COPS3: variants seen among roughly 807,000 people sequenced by gnomAD.
The protein encoded by COPS3 is COP9 signalosome subunit 3.
In COPS3, 10 loss-of-function variants were observed where a neutral mutation model predicts 58.2. The ratio of observed to expected loss-of-function variants is 0.17; its 90% CI spans 0.11 to 0.29. COPS3 has a LOEUF of 0.29. COPS3 is among the 10% of genes least tolerant of loss of function. The probability of loss-of-function intolerance (pLI) is 1.00; values close to 1 mark genes in which losing one functional copy is unlikely to be tolerated. For synonymous variants in COPS3, 187 were observed against 181.7 expected (o/e 1.03, Z -0.24); for missense variants, 333 against 510.1 (o/e 0.65, Z 3.34).
At position 17,276,018 on chromosome 17, in the gene COPS3, A is replaced by G; in HGVS notation, c.185+17T>C. Reference sequence around the variant, plus strand: ...CATTTTAACAAGCACAGAACTATAAAAGAAGATGCTCCTTACAAAACAGCA... The same window carrying G: ...CATTTTAACAAGCACAGAACTATAAGAGAAGATGCTCCTTACAAAACAGCA... On this transcript the variant is annotated intron_variant, in intron 2 of 11. Coordinates refer to ENST00000268717, the MANE Select transcript of COPS3 (RefSeq NM_003653.4). 6.2e-7 allele frequency: 1 copy of G among 1,610,754 alleles called. No individual in the cohort carries two copies. Among genetic ancestry groups the G allele is most frequent in the South Asian group, 1.1e-5 (1 of 90,734 alleles).
intron 4 of COPS3, among the ~76,000 whole-genome samples, chr17:17,269,928 G>A (rs928533377): frequency 2.0e-5 from 3 of 152,134 alleles, no homozygotes; most frequent in South Asian, 2.1e-4. Flanking sequence ...AGGCCAAGGC[G>A]GGAGGATTGC....
rs1555617252 is a variant in COPS3, at chr17:17,254,829, A to AAG, written c.1023+29_1023+30insCT. 300 of 1,414,384 alleles carry AAG rather than the reference A, an allele frequency of 2.1e-4. No homozygotes were observed. The African/African-American group carries it at 3.9e-3, about 18-fold the overall frequency. The allele number at this position is 1,414,384 out of a possible 1,614,324, so 87.6% of individuals were successfully genotyped here. A position where few individuals can be genotyped will look rare whatever the true frequency, so the allele number is the denominator to read the frequency against. On this transcript the variant is annotated intron_variant, in intron 9 of 11. Coordinates refer to ENST00000268717, the MANE Select transcript of COPS3 (RefSeq NM_003653.4). ...ATCTCAAAAAGAAAAAAAAAAAAAA[A>AAG]AAAGAAAAAGAAAAAGAAAATCCAC...
At position 17,254,963 on chromosome 17, in the gene COPS3, A is replaced by G. The variant is rs769107426; in HGVS notation, c.937-18T>C. On this transcript the variant is annotated intron_variant, in intron 8 of 11. Coordinates refer to ENST00000268717, the MANE Select transcript of COPS3 (RefSeq NM_003653.4). ...AAAAAGGTCTGAAAGTCAGAAGCAG[A>G]ATTAGTCACAGGTAGGAACAACGAA... The G allele has an allele frequency of 6.4e-7, 1 of 1,562,570 alleles. No homozygotes were observed. Among genetic ancestry groups the G allele is most frequent in the Admixed American group, 1.7e-5 (1 of 59,230 alleles).
At chr17:17,258,624 TAATG>T (rs987617976) in intron 8 of COPS3, among the ~76,000 whole-genome samples, 4 of 152,226 alleles carry the variant, frequency 2.6e-5, no homozygotes, top group Admixed American at 6.5e-5. Flanking sequence ...AGCTGTTTTT[TAATG>T]GCTACCTCTT....
Position 17,246,752 on chromosome 17 carries a change from A to G in COPS3, c.*346T>C, listed in dbSNP as rs2047734803. 1 of 208,764 alleles carries G rather than the reference A, an allele frequency of 4.8e-6. No individual in the cohort carries two copies. The highest frequency in any genetic ancestry group is 9.5e-6 in the Non-Finnish European group (1 of 104,958). 12.9% of individuals were successfully genotyped at this position (208,764 alleles called of 1,614,324 possible). On this transcript the variant is annotated 3_prime_UTR_variant, in exon 12 of 12. Transcript: ENST00000268717. ...TTCCAAAAATTCCTAAAATCCAGCT[A>G]TTTCTGTTCACAATGAATGTGCTTA...
At chr17:17,262,156 A>T in intron 6 of COPS3, 50 bp from the exon 7 acceptor site, 3 of 1,511,308 alleles carry the variant, frequency 2.0e-6, no homozygotes, top group Non-Finnish European at 2.7e-6. Context: ...CACAGTAGCA[A>T]ACAACAATCA....
At position 17,247,153 on chromosome 17, in the gene COPS3, TGTAAAG is replaced by T. The variant is rs751123367; in HGVS notation, c.1219-8_1219-3del. Reference sequence around the variant, plus strand: ...ATCATCTTCTTGTGAGCCCATACTCTGTAAAGGTAAAGTGAAGTTATGTATTTATGT... The same window carrying T: ...ATCATCTTCTTGTGAGCCCATACTCTGTAAAGTGAAGTTATGTATTTATGT... On this transcript the variant is annotated splice_polypyrimidine_tract_variant and splice_region_variant and intron_variant, in intron 11 of 11. Coordinates refer to ENST00000268717, the MANE Select transcript of COPS3 (RefSeq NM_003653.4). 10 of 1,613,542 alleles carry T rather than the reference TGTAAAG, an allele frequency of 6.2e-6. No individual in the cohort carries two copies. The highest frequency in any genetic ancestry group is 5.0e-5 in the Admixed American group (3 of 59,986).
chr17:17,264,939 G>A lies in COPS3; in HGVS notation c.484C>T (p.Leu162Phe), dbSNP rs2048188168. The change falls in exon 6 of 12, where the codon CTT becomes TTT. Residue 162 changes from leucine to phenylalanine, a missense_variant. Transcript: ENST00000268717. ...CAGATATCCATCATATCCACGTCAA[G>A]ATATGGAAGGGCAGGCTTAAAGCAT... ...AKCFKPALPY[L>F]DVDMMDICKE... is the part of the protein sequence containing the mutation. 1 of 1,613,208 alleles carries A rather than the reference G, an allele frequency of 6.2e-7. No homozygotes were observed. The highest frequency in any genetic ancestry group is 1.3e-5 in the African/African-American group (1 of 74,890).
intron 4 of COPS3, among the ~76,000 whole-genome samples, chr17:17,268,810 C>T (rs2048282398): frequency 1.4e-5 from 2 of 141,034 alleles, no homozygotes; most frequent in African/African-American, 5.3e-5. Flanking sequence ...CAGAGCAAGA[C>T]CCCATCTCAA....
chr17:17,247,454 T>G, intron 11 of COPS3, 26 bp downstream of exon 11: 2 of 1,608,166 alleles, frequency 1.2e-6, no homozygotes, highest in Non-Finnish European at 1.7e-6. Flanking sequence ...CCAGCCTACT[T>G]CTTGTAATAA....
chr17:17,261,911 T>C, intron 7 of COPS3, 55 bp downstream of exon 7: 4 of 1,473,502 alleles, frequency 2.7e-6, no homozygotes, highest in Non-Finnish European at 3.7e-6. Context: ...CATTGCAATT[T>C]CTTTATATAC....
At chr17:17,260,713 G>A (rs1229467129) in intron 7 of COPS3, 5 of 267,116 alleles carry the variant, frequency 1.9e-5, no homozygotes, top group Non-Finnish European at 2.9e-5. Context: ...TGAGGCAAGA[G>A]AATCGCTTGA....
At chr17:17,249,965 C>T (rs563703513) in intron 9 of COPS3, among the ~76,000 whole-genome samples, 2 of 152,236 alleles carry the variant, frequency 1.3e-5, no homozygotes, top group Admixed American at 1.3e-4. Flanking sequence ...GCATTTAATG[C>T]ATTCTACAAT....
chr17:17,276,081 C>T lies in COPS3; in HGVS notation c.139G>A (p.Gly47Arg), dbSNP rs768917021. The change falls in exon 2 of 12, where the codon GGG (glycine) becomes AGG (arginine). Residue 47 changes from glycine (G) to arginine (R), a missense_variant. Gly to Arg is a moderately radical substitution (Grantham distance 125, BLOSUM62 -2). Coordinates refer to ENST00000268717, the MANE Select transcript of COPS3 (RefSeq NM_003653.4). ...KNLSHLDTVLGALDVQEHSLG... is the reference protein window; with the variant it reads ...KNLSHLDTVLRALDVQEHSLG... Reference sequence around the variant, plus strand: ...GAGTGTTCTTGTACATCCAGAGCCCCGAGCACAGTGTCCAGATGGGATAAG... The same window carrying T: ...GAGTGTTCTTGTACATCCAGAGCCCTGAGCACAGTGTCCAGATGGGATAAG... 1 of 1,614,118 alleles carries T rather than the reference C, an allele frequency of 6.2e-7. No individual in the cohort carries two copies. Among genetic ancestry groups the T allele is most frequent in the Non-Finnish European group, 8.5e-7 (1 of 1,180,010 alleles).
chr17:17,262,115 G>A lies in COPS3; in HGVS notation c.622-9C>T. 1.2e-6 allele frequency: 2 copies of A among 1,603,376 alleles called. No homozygotes were observed. Among genetic ancestry groups the A allele is most frequent in the Non-Finnish European group, 1.7e-6 (2 of 1,177,112 alleles). ...GCAGGAGTAGTTATAGCCTAGGCAA[G>A]AGAAGAATGCTTGCTGTAAAGAGAA... On this transcript the variant is annotated splice_polypyrimidine_tract_variant and intron_variant, in intron 6 of 11. Transcript: ENST00000268717.
intron 3 of COPS3, 36 bp downstream of exon 3, chr17:17,270,860 T>C: frequency 6.2e-7 from 1 of 1,607,200 alleles, no homozygotes; most frequent in East Asian, 2.2e-5. Flanking sequence ...AAGGGCAAAA[T>C]ATTTTCAATG....
chr17:17,277,601 CAG>C (rs1009050443), intron 1 of COPS3, among the ~76,000 whole-genome samples: 18 of 152,026 alleles, frequency 1.2e-4, no homozygotes, highest in African/African-American at 4.1e-4. Flanking sequence ...AAGTTTTTTG[CAG>C]AGACAGGGGT....
chr17:17,261,512 G>A, intron 7 of COPS3: 2 of 299,010 alleles, frequency 6.7e-6, no homozygotes, highest in South Asian at 2.9e-5. Flanking sequence ...GGTGACAAGA[G>A]CAAAACTCCA....
intron 5 of COPS3, among the ~76,000 whole-genome samples, chr17:17,265,802 T>A (rs2048209727): frequency 6.6e-6 from 1 of 152,168 alleles, no homozygotes. Flanking sequence ...TCTTAACCTA[T>A]CCCTACCCAT....
Sources: gnomAD v4.1 joint callset for allele counts (sites outside exome capture counted in the v4.1 genomes callset) on GRCh38, gnomAD v4.1.1 for gene constraint, MANE v1.5 for transcripts, NCBI Gene and HGNC (gene_info 2026-07-23, HGNC 2026-07-21) for gene names.